The following PIEZO2 variants were observed in gnomAD, a reference collection of about 807,000 sequenced individuals.
PIEZO2 encodes the protein piezo type mechanosensitive ion channel component 2, also known as piezo-type mechanosensitive ion channel component 2.
In PIEZO2, 172 loss-of-function variants were observed where a neutral mutation model predicts 337.3. The ratio of observed to expected loss-of-function variants is 0.51; its 90% CI spans 0.45 to 0.58. The LOEUF (loss-of-function observed/expected upper bound fraction) is 0.58, where lower values mean the gene tolerates loss of function less well. Among genes scored for constraint, PIEZO2 ranks in the 20% least tolerant of loss-of-function variants. The pLI, the probability that PIEZO2 is intolerant of heterozygous loss-of-function variation, is 0.00. For missense variants in PIEZO2, 3,028 were observed against 3,391.3 expected (o/e 0.89, Z 2.66); for synonymous variants, 1,251 against 1,228.5 (o/e 1.02, Z -0.38).
intron 4 of PIEZO2, among the ~76,000 whole-genome samples, chr18:10,897,743 C>T (rs763430941): frequency 2.6e-5 from 4 of 152,200 alleles, no homozygotes; most frequent in Non-Finnish European, 5.9e-5. Flanking sequence ...AAAGTGTACA[C>T]TCAAGGTGAA....
intron 1 of PIEZO2, among the ~76,000 whole-genome samples, chr18:11,093,284 A>AT (rs1568367495): frequency 5.9e-5 from 9 of 152,238 alleles, no homozygotes; most frequent in Admixed American, 6.5e-5. Flanking sequence ...CCAACACCCT[A>AT]CATGGCAAAC....
rs561834598 is a variant in PIEZO2, at chr18:10,965,000, A to G, written c.286+14535T>C. 7.2e-4 allele frequency among the ~76,000 whole-genome samples: 110 copies of G among 152,214 alleles called. 1 individual carries two copies. Among genetic ancestry groups the G allele is most frequent in the Non-Finnish European group, 1.3e-3 (85 of 67,986 alleles). ...CATATATAACTTCATTCATCCTTTA[A>G]TGGATATTTAGATTATTTCTAATCT... On this transcript the variant is annotated intron_variant, in intron 3 of 55. Transcript: ENST00000674853.
At position 10,942,072 on chromosome 18, in the gene PIEZO2, G is replaced by A. The variant is rs374081894; in HGVS notation, c.287-30844C>T. On this transcript the variant is annotated intron_variant, in intron 3 of 55. Coordinates refer to ENST00000674853, the MANE Select transcript of PIEZO2 (RefSeq NM_001378183.1). The surrounding 1 kb of genome is among the most constrained non-coding windows in gnomAD (Gnocchi z 4.4). ...CTCCTCCTTGCTTTCGGCCACGATC[G>A]TGAGGCCTCTCCAGCCATGTGGAAC... Among the ~76,000 whole-genome samples the A allele has an allele frequency of 6.6e-6, 1 of 152,192 alleles. No individual in the cohort carries two copies. Among genetic ancestry groups the A allele is most frequent in the South Asian group, 2.1e-4 (1 of 4,834 alleles).
chr18:10,687,409 G>T (rs2034593566), intron 49 of PIEZO2, among the ~76,000 whole-genome samples: 1 of 152,084 alleles, frequency 6.6e-6, no homozygotes, highest in Non-Finnish European at 1.5e-5. Context: ...TGAGCCATCA[G>T]TTCCGTGATG....
At position 10,800,378 on chromosome 18, in the gene PIEZO2, G is replaced by A; in HGVS notation, c.1337C>T (p.Ser446Phe). Residue 446 changes from serine to phenylalanine, a missense_variant, in exon 11 of 56, where the codon TCC (serine) becomes TTC (phenylalanine). This residue lies in a region of PIEZO2 where 542 missense variants were observed against 605.6 expected (regional missense o/e 0.89). Transcript: ENST00000674853. The stretch of plus-strand genomic sequence containing the variant: ...GGGCTCCCACCGGTACTGAGGGGTG[G>A]AGTAGAGGTCGGCTTTGCCAGGGCC... ...ENGPGKADLYSTPQYRWEPSD... is the reference protein window; with the variant it reads ...ENGPGKADLYFTPQYRWEPSD... 3.3e-6 allele frequency: 5 copies of A among 1,536,576 alleles called. No individual in the cohort carries two copies. Among genetic ancestry groups the A allele is most frequent in the South Asian group, 1.2e-5 (1 of 83,854 alleles).
intron 2 of PIEZO2, among the ~76,000 whole-genome samples, chr18:10,999,252 G>A (rs2035449736): frequency 6.6e-6 from 1 of 150,696 alleles, no homozygotes; most frequent in Non-Finnish European, 1.5e-5. Context: ...CGTAGAGTTT[G>A]AAGAGTTCTG....
chr18:11,042,169 T>C (rs1408161863), intron 2 of PIEZO2, among the ~76,000 whole-genome samples: 2 of 152,188 alleles, frequency 1.3e-5, no homozygotes, highest in African/African-American at 4.8e-5. Flanking sequence ...AGGAAAAGCC[T>C]GCCTCTGCCA....
intron 43 of PIEZO2, among the ~76,000 whole-genome samples, chr18:10,700,319 C>T (rs1285206855): frequency 6.6e-6 from 1 of 151,984 alleles, no homozygotes; most frequent in African/African-American, 2.4e-5. Flanking sequence ...GTTTGGTTTT[C>T]ATGGCAACAT....
At chr18:11,085,135 C>A (rs2038869489) in intron 1 of PIEZO2, among the ~76,000 whole-genome samples, 1 of 152,184 alleles carries the variant, frequency 6.6e-6, no homozygotes, top group Non-Finnish European at 1.5e-5. Flanking sequence ...CATAAGAGGA[C>A]TCAGAGAGGA....
At chr18:10,683,484 A>G (rs951943186) in intron 49 of PIEZO2, among the ~76,000 whole-genome samples, 1 of 152,228 alleles carries the variant, frequency 6.6e-6, no homozygotes, top group Non-Finnish European at 1.5e-5. Context: ...GTGCATTTTG[A>G]TATTTTTGCA....
chr18:11,024,547 GAAAAAAAA>G lies in PIEZO2; in HGVS notation c.160+41572_160+41579del, dbSNP rs569472740. 3.2e-3 allele frequency among the ~76,000 whole-genome samples: 334 copies of G among 104,066 alleles called. 10 individuals carry two copies. Among genetic ancestry groups the G allele is most frequent in the Admixed American group, 0.031 (294 of 9,348 alleles). 68.3% of individuals were successfully genotyped at this position (104,066 alleles called of 152,430 possible). On this transcript the variant is annotated intron_variant, in intron 2 of 55. Transcript: ENST00000674853. The stretch of plus-strand genomic sequence containing the variant: ...GGCGACAGAGCGAGACTCTGTCTCA[GAAAAAAAA>G]AAAAAAAAGAAAAAAGAAAGTAAAA...
rs968808936 is a variant in PIEZO2 at position 11,017,636 on chromosome 18, T to G, written c.161-37976A>C. ...TTATGGGTGTTGTACTGCAGAATGG[T>G]TCTTCTGTATAAAAGAAATCGTATG... On this transcript the variant is annotated intron_variant, in intron 2 of 55. Transcript: ENST00000674853. Among the ~76,000 whole-genome samples the G allele has an allele frequency of 5.3e-5, 8 of 152,286 alleles. No homozygotes were observed. In the East Asian group the frequency reaches 1.3e-3, roughly 26 times the overall value.
chr18:10,801,229 T>G (rs1186914125), intron 10 of PIEZO2, among the ~76,000 whole-genome samples, 161 bp downstream of exon 10: 1 of 152,242 alleles, frequency 6.6e-6, no homozygotes, highest in African/African-American at 2.4e-5. Flanking sequence ...TATACTCAAT[T>G]TCATTTAACA....
chr18:10,757,941 C>T, intron 27 of PIEZO2, 28 bp downstream of exon 27: 2 of 1,518,780 alleles, frequency 1.3e-6, no homozygotes, highest in Admixed American at 4.1e-5. Flanking sequence ...ATCAAAGTGG[C>T]TTTTAGCAAA....
At chr18:10,946,055 A>C (rs2033002402) in intron 3 of PIEZO2, among the ~76,000 whole-genome samples, 1 of 152,220 alleles carries the variant, frequency 6.6e-6, no homozygotes, top group Admixed American at 6.5e-5. Context: ...ATTGGACCCC[A>C]AAATCATGGC....
rs975061644 is a variant in PIEZO2 at position 10,672,080 on chromosome 18, G to T, written c.8346-301C>A. On this transcript the variant is annotated intron_variant, in intron 55 of 55. Transcript: ENST00000674853. The surrounding 1 kb of genome is among the most constrained non-coding windows in gnomAD (Gnocchi z 4.7). ...TCATGTATGAACTTTAGGTGGTTTTGTTGCATATATTAAATGCATAAACCA... is the reference window on the plus strand; with the variant it reads ...TCATGTATGAACTTTAGGTGGTTTTTTTGCATATATTAAATGCATAAACCA... Among the ~76,000 whole-genome samples, 1 of 152,156 alleles carries T rather than the reference G, an allele frequency of 6.6e-6. No homozygotes were observed. The highest frequency in any genetic ancestry group is 6.5e-5 in the Admixed American group (1 of 15,284).
chr18:10,859,846 GGGAGGTGGT>G lies in PIEZO2; in HGVS notation c.493-2644_493-2636del, dbSNP rs1018815531. Among the ~76,000 whole-genome samples the G allele has an allele frequency of 5.3e-5, 8 of 152,150 alleles. No homozygotes were observed. Among genetic ancestry groups the G allele is most frequent in the African/African-American group, 1.9e-4 (8 of 41,442 alleles). On this transcript the variant is annotated intron_variant, in intron 5 of 55. Transcript: ENST00000674853. The surrounding 1 kb of genome is among the most constrained non-coding windows in gnomAD (Gnocchi z 4.9). ...GGCGGAGCAGAGGGAGGCAGCAGCG[GGGAGGTGGT>G]GGCTGTGCTGGAGGAGAGGGGAGGG...
At chr18:10,698,772 GT>G (rs2035208733) in intron 44 of PIEZO2, among the ~76,000 whole-genome samples, 152 bp downstream of exon 44, 1 of 152,120 alleles carries the variant, frequency 6.6e-6, no homozygotes, top group Non-Finnish European at 1.5e-5. Context: ...TTGAACTCGG[GT>G]TTCTCTGATT....
intron 2 of PIEZO2, among the ~76,000 whole-genome samples, chr18:10,998,541 T>C (rs2035416445): frequency 1.3e-5 from 2 of 152,166 alleles, no homozygotes; most frequent in Non-Finnish European, 2.9e-5. Context: ...AATATGAGTA[T>C]ATTTAAATCT....
Sources: allele counts gnomAD v4.1 joint callset (sites outside exome capture counted in the v4.1 genomes callset), GRCh38; gene constraint gnomAD v4.1.1; regional missense constraint gnomAD v4.1.1; non-coding constraint Gnocchi (gnomAD v3.1); transcripts MANE v1.5; gene names NCBI Gene and HGNC (gene_info 2026-07-23, HGNC 2026-07-21).